MMP26: variants seen among roughly 807,000 people sequenced by gnomAD.
The protein encoded by MMP26 is matrix metalloproteinase-26.
In MMP26, 33 loss-of-function variants were observed where a neutral mutation model predicts 31.0. The observed-to-expected ratio is 1.06, with a 90% CI of 0.81 to 1.42. MMP26 has a LOEUF of 1.42. Ranked by LOEUF, MMP26 falls within the 40% of genes most tolerant of loss-of-function variation. MMP26 has a pLI of 0.00. For missense variants in MMP26, 347 were observed against 316.1 expected (o/e 1.10, Z -0.74); for synonymous variants, 122 against 114.9 (o/e 1.06, Z -0.40).
Position 4,750,582 on chromosome 11 carries a change from C to T in MMP26, c.-216-16688C>T, listed in dbSNP as rs528322707. ...GGTGAGTGTATACCATGGAATCATA[C>T]TCAGTCATAAAAAAGAATGAAGTGA... On this transcript the variant is annotated intron_variant, in intron 1 of 7. Transcript: ENST00000380390. Among the ~76,000 whole-genome samples, 37 of 152,068 alleles carry T rather than the reference C, an allele frequency of 2.4e-4. No homozygotes were observed. In the East Asian group the frequency reaches 6.8e-3, roughly 28 times the overall value.
At chr11:4,887,234 G>A (rs1418798394) in intron 2 of MMP26, among the ~76,000 whole-genome samples, 1 of 151,876 alleles carries the variant, frequency 6.6e-6, no homozygotes, top group East Asian at 1.9e-4. Context: ...AGTTTGTAAT[G>A]TATTTATTTT....
intron 1 of MMP26, chr11:4,710,003 A>C (rs1847837995): frequency 2.2e-6 from 1 of 456,846 alleles, no homozygotes; most frequent in Non-Finnish European, 4.4e-6. Context: ...GGATTATTAA[A>C]GTGGGCTTTG....
chr11:4,722,792 A>G lies in MMP26; in HGVS notation c.-217+17747A>G, dbSNP rs1296477349. The G allele has an allele frequency of 9.1e-6, 9 of 992,400 alleles. No homozygotes were observed. In the Admixed American group the frequency reaches 1.4e-4, roughly 15 times the overall value. 61.5% of individuals were successfully genotyped at this position (992,400 alleles called of 1,614,324 possible). On this transcript the variant is annotated intron_variant, in intron 1 of 7. Transcript: ENST00000380390. ...CCAGCTTCCCTTCGTGGGTCTCGATATTCTTCACAACCACGGCCCTGGTGG... is the reference window on the plus strand; with the variant it reads ...CCAGCTTCCCTTCGTGGGTCTCGATGTTCTTCACAACCACGGCCCTGGTGG...
At chr11:4,785,136 G>A (rs1413209310) in intron 2 of MMP26, among the ~76,000 whole-genome samples, 1 of 152,110 alleles carries the variant, frequency 6.6e-6, no homozygotes, top group African/African-American at 2.4e-5. Flanking sequence ...CAGGCCTCTA[G>A]TAAGATAACC....
chr11:4,933,276 T>C (rs1851376640), intron 2 of MMP26, among the ~76,000 whole-genome samples: 1 of 152,072 alleles, frequency 6.6e-6, no homozygotes, highest in Admixed American at 6.6e-5. Flanking sequence ...AAATTATCTG[T>C]GTTCATACTA....
At chr11:4,868,977 C>G (rs1293164654) in intron 2 of MMP26, among the ~76,000 whole-genome samples, 1 of 152,172 alleles carries the variant, frequency 6.6e-6, no homozygotes. Context: ...AAAGGATTCC[C>G]TATTTAATAA....
chr11:4,708,108 T>C (rs1564891180), intron 1 of MMP26, among the ~76,000 whole-genome samples: 1 of 152,182 alleles, frequency 6.6e-6, no homozygotes, highest in African/African-American at 2.4e-5. Flanking sequence ...CAGGAGTCAT[T>C]TTCCCTAGGA....
chr11:4,799,396 A>G (rs1157530354), intron 2 of MMP26, among the ~76,000 whole-genome samples: 1 of 152,096 alleles, frequency 6.6e-6, no homozygotes, highest in African/African-American at 2.4e-5. Flanking sequence ...CTATTAAACA[A>G]GAAGCTCTCA....
At chr11:4,956,859 G>T (rs919010253) in intron 2 of MMP26, among the ~76,000 whole-genome samples, 46 of 152,212 alleles carry the variant, frequency 3.0e-4, no homozygotes, top group Non-Finnish European at 1.9e-4. Flanking sequence ...CTTACATTTT[G>T]TACACAATAA....
At chr11:4,724,743 C>G (rs1848072977) in intron 1 of MMP26, among the ~76,000 whole-genome samples, 1 of 152,176 alleles carries the variant, frequency 6.6e-6, no homozygotes, top group Non-Finnish European at 1.5e-5. Flanking sequence ...ACAATGTTAA[C>G]ATTGAATTTT....
intron 1 of MMP26, chr11:4,756,704 A>T (rs1848508181): frequency 6.6e-6 from 1 of 152,164 alleles, no homozygotes; most frequent in Non-Finnish European, 1.5e-5. Flanking sequence ...TTGCAAGTGT[A>T]GGTAGTATGC....
chr11:4,979,231 G>A (rs1283053763), intron 2 of MMP26, among the ~76,000 whole-genome samples: 1 of 152,106 alleles, frequency 6.6e-6, no homozygotes, highest in Non-Finnish European at 1.5e-5. Flanking sequence ...GAGAGCAGTT[G>A]CTTCACAGAG....
In MMP26 at chr11:4,950,798, T is replaced by TG. The variant is rs1327368311; in HGVS notation, c.-144-37268dup. 1.6e-5 allele frequency among the ~76,000 whole-genome samples: 2 copies of TG among 123,542 alleles called. 1 individual carries two copies. Among genetic ancestry groups the TG allele is most frequent in the Non-Finnish European group, 3.7e-5 (2 of 54,464 alleles). 81.0% of individuals were successfully genotyped at this position (123,542 alleles called of 152,430 possible). A position where few individuals can be genotyped will look rare whatever the true frequency, so the allele number is the denominator to read the frequency against. On this transcript the variant is annotated intron_variant, in intron 2 of 7. Coordinates refer to ENST00000380390, the MANE Select transcript of MMP26 (RefSeq NM_021801.5). ...TGACTTGCACTGTTCAATTTGCATT[T>TG]GGAAAAATGCAAATTAATATCACAA...
At chr11:4,756,897 T>A (rs918620159) in intron 1 of MMP26, 5 of 151,932 alleles carry the variant, frequency 3.3e-5, no homozygotes, top group African/African-American at 9.7e-5. Flanking sequence ...TGAAGAGACA[T>A]CACATGTAAA....
At chr11:4,956,387 T>G (rs1353752955) in intron 2 of MMP26, among the ~76,000 whole-genome samples, 1 of 152,206 alleles carries the variant, frequency 6.6e-6, no homozygotes. Context: ...GTAGATACAG[T>G]AAATCTACAG....
intron 2 of MMP26, among the ~76,000 whole-genome samples, chr11:4,868,761 A>T (rs932657825): frequency 6.6e-6 from 1 of 152,156 alleles, no homozygotes. Flanking sequence ...CATTGCCAAG[A>T]TAATACTAAG....
intron 2 of MMP26, among the ~76,000 whole-genome samples, chr11:4,930,136 A>G (rs2595972): frequency 0.53 from 79,861 of 151,886 alleles, 21,621 homozygotes; most frequent in East Asian, 0.76. Flanking sequence ...AATTTTAAAA[A>G]TAAAAACATC....
At chr11:4,982,102 T>G (rs181297616) in intron 2 of MMP26, among the ~76,000 whole-genome samples, 1 of 151,860 alleles carries the variant, frequency 6.6e-6, no homozygotes, top group African/African-American at 2.4e-5. Flanking sequence ...CATACATACA[T>G]ATATACAATA....
intron 2 of MMP26, among the ~76,000 whole-genome samples, chr11:4,873,758 A>G (rs905556056): frequency 1.3e-5 from 2 of 152,084 alleles, no homozygotes; most frequent in Non-Finnish European, 1.5e-5. Context: ...TGCTCTATCA[A>G]TATTCCAAAT....
Sources: allele counts gnomAD v4.1 joint callset (sites outside exome capture counted in the v4.1 genomes callset), GRCh38; gene constraint gnomAD v4.1.1; transcripts MANE v1.5; gene names NCBI Gene and HGNC (gene_info 2026-07-23, HGNC 2026-07-21).